The following PRKCD variants were observed in gnomAD, a reference collection of about 807,000 sequenced individuals.
PRKCD encodes the protein protein kinase C delta.
A neutral mutation model predicts 82.2 loss-of-function variants in PRKCD; 20 were observed. The observed-to-expected ratio is 0.24, with a 90% CI of 0.17 to 0.35. PRKCD has a LOEUF of 0.35. Ranked by LOEUF, PRKCD falls within the 10% of genes least tolerant of loss-of-function variation. The pLI is 1.00. For synonymous variants in PRKCD, 317 were observed against 337.0 expected (o/e 0.94, Z 0.65); for missense variants, 607 against 899.0 (o/e 0.68, Z 4.15).
chr3:53,170,992 T>C (rs1553664815), intron 2 of PRKCD, among the ~76,000 whole-genome samples: 1 of 152,122 alleles, frequency 6.6e-6, no homozygotes, highest in South Asian at 2.1e-4. Flanking sequence ...CAGCAGTGTG[T>C]GTACGTACCT....
chr3:53,181,986 G>T, intron 7 of PRKCD: 1 of 668,080 alleles, frequency 1.5e-6, no homozygotes, highest in Non-Finnish European at 2.7e-6. Flanking sequence ...GGGCACAGTA[G>T]AGTATTCACG....
rs1559629871 is a variant in PRKCD at position 53,186,615 on chromosome 3, CT to C, written c.1275del (p.Phe425LeufsTer2). Reference sequence around the variant, plus strand: ...CCTTCCCACCCCAGGACCACCTGTTCTTTGTGATGGAGTTCCTCAACGGGGG... The same window carrying C: ...CCTTCCCACCCCAGGACCACCTGTTCTTGTGATGGAGTTCCTCAACGGGGG... Reference protein sequence around the residue: ...CTFQTKDHLFFVMEFLNGGDL... With the variant: ...CTFQTKDHLFXVMEFLNGGDL... On this transcript the variant is annotated frameshift_variant, in exon 14 of 19. Transcript: ENST00000330452. LOFTEE classifies it high-confidence loss of function. 1 of 1,613,328 alleles carries C rather than the reference CT, an allele frequency of 6.2e-7. No homozygotes were observed. Among genetic ancestry groups the C allele is most frequent in the African/African-American group, 1.3e-5 (1 of 75,030 alleles).
Position 53,183,114 on chromosome 3 carries a change from C to T in PRKCD, c.572-7C>T. The T allele has an allele frequency of 6.2e-7, 1 of 1,614,166 alleles. No individual in the cohort carries two copies. The highest frequency in any genetic ancestry group is 1.1e-5 in the South Asian group (1 of 91,080). On this transcript the variant is annotated splice_polypyrimidine_tract_variant and splice_region_variant and intron_variant, in intron 7 of 18. Transcript: ENST00000330452. ...CCTTCCCCCTCCTGGGCCTGTGCCT[C>T]TTCAAGAATGTAACGCTGCCATCCA... is the stretch of plus-strand genomic sequence containing the variant.
chr3:53,162,886 T>A (rs1320369998), intron 1 of PRKCD, among the ~76,000 whole-genome samples: 1 of 152,050 alleles, frequency 6.6e-6, no homozygotes, highest in Admixed American at 6.5e-5. Flanking sequence ...TGTATCTGTA[T>A]AAGTGTGTGT....
At chr3:53,177,128 G>A (rs1322721821) in intron 2 of PRKCD, among the ~76,000 whole-genome samples, 3 of 151,898 alleles carry the variant, frequency 2.0e-5, no homozygotes, top group Non-Finnish European at 4.4e-5. Flanking sequence ...CCGCGCCTAG[G>A]CAGTTTGGGT....
At chr3:53,180,296 A>G (rs1313115068) in intron 4 of PRKCD, among the ~76,000 whole-genome samples, 1 of 152,212 alleles carries the variant, frequency 6.6e-6, no homozygotes, top group Non-Finnish European at 1.5e-5. Context: ...GAATCTTCGC[A>G]TATATTCTAG....
At chr3:53,162,609 G>A (rs1423750451) in intron 1 of PRKCD, among the ~76,000 whole-genome samples, 1 of 152,140 alleles carries the variant, frequency 6.6e-6, no homozygotes, top group Non-Finnish European at 1.5e-5. Flanking sequence ...GTGTGTATGT[G>A]TGTATGTCTG....
rs1553669215 is a variant in PRKCD, at chr3:53,186,651, G to A, written c.1308G>A (p.Met436Ile). ...AGTTCCTCAACGGGGGGGACCTGAT[G>A]TACCACATCCAGGACAAAGGCCGCT... Reference protein sequence around the residue: ...VMEFLNGGDLMYHIQDKGRFE... With the variant: ...VMEFLNGGDLIYHIQDKGRFE... Residue 436 changes from methionine (M) to isoleucine (I), a missense_variant, in exon 14 of 19, where the codon ATG becomes ATA. This residue lies in a region of PRKCD where 251 missense variants were observed against 423.9 expected (regional missense o/e 0.59). Transcript: ENST00000330452. The A allele has an allele frequency of 6.2e-7, 1 of 1,614,020 alleles. No individual in the cohort carries two copies. Among genetic ancestry groups the A allele is most frequent in the South Asian group, 1.1e-5 (1 of 91,076 alleles).
intron 17 of PRKCD, 127 bp downstream of exon 17, chr3:53,189,373 A>T: frequency 2.0e-6 from 2 of 992,904 alleles, no homozygotes; most frequent in Non-Finnish European, 2.9e-6. Context: ...CAGTCCTAAC[A>T]TACGGGGTAT....
chr3:53,189,873 C>T lies in PRKCD; in HGVS notation c.1744C>T (p.Leu582Phe), dbSNP rs781964037. 2 of 1,614,142 alleles carry T rather than the reference C, an allele frequency of 1.2e-6. No individual in the cohort carries two copies. Among genetic ancestry groups the T allele is most frequent in the South Asian group, 1.1e-5 (1 of 91,086 alleles). The change falls in exon 18 of 19, where the codon CTC (leucine) becomes TTC (phenylalanine). Residue 582 changes from leucine (L) to phenylalanine (F), a missense_variant and splice_region_variant. Coordinates refer to ENST00000330452, the MANE Select transcript of PRKCD (RefSeq NM_006254.4). ...AACCAGGGTCCCTGCTGGGTTGCAG[C>T]TCTTTGAAAGGGAACCAACCAAGAG... Reference protein sequence around the residue: ...TKESKDILEKLFEREPTKRLG... With the variant: ...TKESKDILEKFFEREPTKRLG...
rs782095882 is a variant in PRKCD at position 53,179,672 on chromosome 3, A to T, written c.211A>T (p.Ile71Phe). The change falls in exon 4 of 19, where the codon ATT becomes TTT. Residue 71 changes from isoleucine (I) to phenylalanine (F), a missense_variant. Ile to Phe is a conservative substitution (Grantham distance 21). Around this residue, in one of 5 missense-constraint regions of PRKCD, gnomAD observed 161 missense variants for 227.0 expected, o/e 0.71. Transcript: ENST00000330452. ...AHIYEGRVIQIVLMRAAEEPV... is the reference protein window; with the variant it reads ...AHIYEGRVIQFVLMRAAEEPV... Reference sequence around the variant, plus strand: ...CATCTATGAGGGGCGCGTCATCCAGATTGTGCTAATGCGGGCAGCAGAGGA... The same window carrying T: ...CATCTATGAGGGGCGCGTCATCCAGTTTGTGCTAATGCGGGCAGCAGAGGA... The T allele has an allele frequency of 6.2e-7, 1 of 1,613,384 alleles. No individual in the cohort carries two copies. The highest frequency in any genetic ancestry group is 8.5e-7 in the Non-Finnish European group (1 of 1,179,620).
chr3:53,181,840 G>C (rs557318056), intron 7 of PRKCD, 108 bp downstream of exon 7: 18 of 1,521,704 alleles, frequency 1.2e-5, no homozygotes, highest in South Asian at 9.3e-5. Flanking sequence ...GTGTATGCAC[G>C]TGAGTTTTCC....
At chr3:53,177,299 T>C (rs1368554138) in intron 2 of PRKCD, among the ~76,000 whole-genome samples, 1 of 152,130 alleles carries the variant, frequency 6.6e-6, no homozygotes, top group Non-Finnish European at 1.5e-5. Flanking sequence ...TGTTTTATAT[T>C]TGGGGAAATA....
intron 1 of PRKCD, among the ~76,000 whole-genome samples, chr3:53,163,298 C>G (rs1216509211): frequency 6.6e-6 from 1 of 150,940 alleles, no homozygotes; most frequent in Non-Finnish European, 1.5e-5. Context: ...AGTGCCTGGG[C>G]GTGGGTGTTA....
chr3:53,170,579 C>T (rs1702987487), intron 2 of PRKCD, among the ~76,000 whole-genome samples: 1 of 152,274 alleles, frequency 6.6e-6, no homozygotes, highest in African/African-American at 2.4e-5. Context: ...TTCCCTTACA[C>T]ACTTTAGACT....
rs550105739 is a variant in PRKCD, at chr3:53,162,270, C to CGG, written c.-132+852_-132+853dup. The stretch of plus-strand genomic sequence containing the variant: ...GCTCCACCAGATGAGGGGAGGAGGT[C>CGG]GGGGGGGGGGGTCCTCCTGGCTGGT... On this transcript the variant is annotated intron_variant, in intron 1 of 18. Transcript: ENST00000330452. Among the ~76,000 whole-genome samples, 103 of 147,924 alleles carry CGG rather than the reference C, an allele frequency of 7.0e-4. No individual in the cohort carries two copies. In the South Asian group the frequency reaches 8.8e-3, roughly 13 times the overall value.
Position 53,189,857 on chromosome 3 carries a change from C to A in PRKCD, c.1744-16C>A, listed in dbSNP as rs1703858054. ...ATGGCCCTTGGGTGCTAACCAGGGT[C>A]CCTGCTGGGTTGCAGCTCTTTGAAA... On this transcript the variant is annotated splice_polypyrimidine_tract_variant and intron_variant, in intron 17 of 18. Coordinates refer to ENST00000330452, the MANE Select transcript of PRKCD (RefSeq NM_006254.4). 3 of 1,614,058 alleles carry A rather than the reference C, an allele frequency of 1.9e-6. No individual in the cohort carries two copies. The highest frequency in any genetic ancestry group is 2.5e-6 in the Non-Finnish European group (3 of 1,179,964).
chr3:53,184,779 C>T (rs1432585542), intron 9 of PRKCD, 95 bp from the exon 10 acceptor site: 1 of 978,974 alleles, frequency 1.0e-6, no homozygotes, highest in Non-Finnish European at 1.6e-6. Context: ...CCCACTGAAG[C>T]CCTCCTTTCT....
chr3:53,179,349 G>A, intron 3 of PRKCD: 1 of 669,150 alleles, frequency 1.5e-6, no homozygotes, highest in Non-Finnish European at 2.7e-6. Context: ...TTTAAATGGA[G>A]CTGGAGCAAG....
Sources: allele counts gnomAD v4.1 joint callset (sites outside exome capture counted in the v4.1 genomes callset), GRCh38; gene constraint gnomAD v4.1.1; regional missense constraint gnomAD v4.1.1; transcripts MANE v1.5; gene names NCBI Gene and HGNC (gene_info 2026-07-23, HGNC 2026-07-21).